Variants in EXOC4 observed in about 807,000 individuals in gnomAD.
EXOC4 encodes the protein exocyst complex component 4, also known as SEC8-like 1.
EXOC4 carries 71 observed loss-of-function variants against 107.2 expected under a neutral mutation model. The ratio of observed to expected loss-of-function variants is 0.66; its 90% CI spans 0.55 to 0.81. The LOEUF is 0.81. EXOC4 is among the 30% of genes least tolerant of loss of function. EXOC4 has a pLI of 0.00. For synonymous variants in EXOC4, 456 were observed against 441.2 expected, an observed-to-expected ratio of 1.03 and a Z score of -0.42; for missense variants, 1,108 against 1,189.6, an observed-to-expected ratio of 0.93 and a Z score of 1.01.
chr7:133,349,198 C>T (rs1795853961), intron 5 of EXOC4, among the ~76,000 whole-genome samples: 2 of 151,842 alleles, frequency 1.3e-5, no homozygotes, highest in African/African-American at 4.8e-5. Context: ...TTGGAATGTA[C>T]AGTCCTGCAG....
At chr7:133,866,978 A>G (rs1174255606) in intron 11 of EXOC4, among the ~76,000 whole-genome samples, 1 of 152,198 alleles carries the variant, frequency 6.6e-6, no homozygotes, top group Non-Finnish European at 1.5e-5. Flanking sequence ...GATCACTTGC[A>G]AGTCCCTTCA....
chr7:133,851,002 T>C (rs1323393118), intron 11 of EXOC4, among the ~76,000 whole-genome samples: 1 of 152,220 alleles, frequency 6.6e-6, no homozygotes, highest in Non-Finnish European at 1.5e-5. Flanking sequence ...CTCAACATCC[T>C]GGTTACTTTC....
downstream of EXOC4, chr7:134,066,394 A>G (rs1431883514): frequency 2.0e-5 from 3 of 152,206 alleles, no homozygotes; most frequent in African/African-American, 4.8e-5. Context: ...CAGAATGTCA[A>G]GAGCCCTGAG....
intron 12 of EXOC4, among the ~76,000 whole-genome samples, chr7:133,910,478 A>T (rs1388503338): frequency 6.6e-6 from 1 of 152,210 alleles, no homozygotes; most frequent in Non-Finnish European, 1.5e-5. Flanking sequence ...TCTCAGGTAG[A>T]CATATACACT....
chr7:133,657,702 G>T (rs1192796083), intron 10 of EXOC4, among the ~76,000 whole-genome samples: 1 of 152,142 alleles, frequency 6.6e-6, no homozygotes, highest in Non-Finnish European at 1.5e-5. Context: ...TGTGCATCTT[G>T]TAATGGTATG....
chr7:133,685,769 C>G (rs986785973), intron 10 of EXOC4, among the ~76,000 whole-genome samples: 2 of 152,072 alleles, frequency 1.3e-5, no homozygotes, highest in Non-Finnish European at 2.9e-5. Flanking sequence ...TGTACAAGTG[C>G]ATTTTTGTTG....
At chr7:134,091,586 C>G in the EXOC4 span, among the ~76,000 whole-genome samples, 2 of 152,182 alleles carry the variant, frequency 1.3e-5, no homozygotes, top group African/African-American at 2.4e-5. Context: ...CCTCATTTTA[C>G]GCAGCCCTTA....
intron 7 of EXOC4, among the ~76,000 whole-genome samples, chr7:133,407,162 G>C (rs1454704396): frequency 6.6e-6 from 1 of 152,064 alleles, no homozygotes; most frequent in East Asian, 1.9e-4. Flanking sequence ...ATGTGGATCT[G>C]ATCAAGTTCC....
chr7:133,346,787 A>G (rs1173765925), intron 5 of EXOC4, among the ~76,000 whole-genome samples: 2 of 152,350 alleles, frequency 1.3e-5, no homozygotes, highest in East Asian at 3.9e-4. Flanking sequence ...GATTGAAATC[A>G]TATACGTGAT....
chr7:134,011,053 G>A (rs1794751743), intron 17 of EXOC4, among the ~76,000 whole-genome samples: 1 of 152,182 alleles, frequency 6.6e-6, no homozygotes, highest in Non-Finnish European at 1.5e-5. Flanking sequence ...CTCTCTTACG[G>A]TTTTAACCCC....
chr7:133,591,699 T>C (rs1223575785), intron 9 of EXOC4, among the ~76,000 whole-genome samples: 1 of 152,148 alleles, frequency 6.6e-6, no homozygotes, highest in Non-Finnish European at 1.5e-5. Context: ...TTGTTGAGAC[T>C]AACAGTTTTT....
At chr7:133,880,929 A>C (rs1798953091) in intron 11 of EXOC4, among the ~76,000 whole-genome samples, 2 of 152,150 alleles carry the variant, frequency 1.3e-5, no homozygotes, top group Admixed American at 6.5e-5. Context: ...GATTGTCTAA[A>C]ATTTGACCTC....
intron 3 of EXOC4, among the ~76,000 whole-genome samples, chr7:133,298,482 G>T (rs1314986263): frequency 1.3e-5 from 2 of 152,116 alleles, no homozygotes; most frequent in Non-Finnish European, 2.9e-5. Context: ...TTTTCTAGTG[G>T]TCTCTTCTAT....
chr7:133,408,776 G>A (rs149545428), intron 7 of EXOC4, among the ~76,000 whole-genome samples: 11 of 152,220 alleles, frequency 7.2e-5, no homozygotes, highest in East Asian at 3.9e-4. Context: ...TGCTTCTCAC[G>A]TTATTTCCAG....
At position 133,665,280 on chromosome 7, in the gene EXOC4, T is replaced by C. The variant is rs149946692; in HGVS notation, c.1514+35139T>C. On this transcript the variant is annotated intron_variant, in intron 10 of 17. Transcript: ENST00000253861. Reference sequence around the variant, plus strand: ...ACTTTTACATGGTTAACTGGTGATCTCAAGTTGATCAGTTAACTTTTCCTA... The same window carrying C: ...ACTTTTACATGGTTAACTGGTGATCCCAAGTTGATCAGTTAACTTTTCCTA... Among the ~76,000 whole-genome samples, 22 of 152,294 alleles carry C rather than the reference T, an allele frequency of 1.4e-4. No homozygotes were observed. In the East Asian group the frequency reaches 3.3e-3, roughly 23 times the overall value.
intron 9 of EXOC4, among the ~76,000 whole-genome samples, chr7:133,492,393 T>C (rs1371413999): frequency 6.6e-6 from 1 of 152,134 alleles, no homozygotes; most frequent in East Asian, 1.9e-4. Context: ...TATGGAGTGT[T>C]AGATAGGGGT....
chr7:133,328,965 G>A (rs1055754435), intron 5 of EXOC4, among the ~76,000 whole-genome samples: 1 of 152,148 alleles, frequency 6.6e-6, no homozygotes. Flanking sequence ...ATGTTGGCCT[G>A]TCTTGCTAGG....
chr7:133,577,938 C>T (rs564387338), intron 9 of EXOC4, among the ~76,000 whole-genome samples: 6 of 152,182 alleles, frequency 3.9e-5, no homozygotes, highest in South Asian at 4.2e-4. Flanking sequence ...GAAATACCAA[C>T]GCAGTCACAT....
chr7:133,738,949 A>G (rs1795504430), intron 10 of EXOC4, among the ~76,000 whole-genome samples: 1 of 152,196 alleles, frequency 6.6e-6, no homozygotes, highest in Admixed American at 6.5e-5. Flanking sequence ...AACAGTTTGT[A>G]GCTGTGAAGA....
Sources: allele counts gnomAD v4.1 joint callset (sites outside exome capture counted in the v4.1 genomes callset), GRCh38; gene constraint gnomAD v4.1.1; transcripts MANE v1.5; gene names NCBI Gene and HGNC (gene_info 2026-07-23, HGNC 2026-07-21).